Variants in PCSK5 observed in about 807,000 individuals in gnomAD.
PCSK5 encodes proprotein convertase subtilisin/kexin type 5.
Under a neutral mutation model 233.2 loss-of-function variants are expected in PCSK5, and 129 were observed. The observed-to-expected ratio is 0.55, with a 90% CI of 0.48 to 0.64. The LOEUF (loss-of-function observed/expected upper bound fraction) is 0.64, where lower values mean the gene tolerates loss of function less well. Among genes scored for constraint, PCSK5 ranks in the 30% least tolerant of loss-of-function variants. The pLI is 0.00. For missense variants in PCSK5, 2,076 were observed against 2,430.1 expected (o/e 0.85, Z 3.06); for synonymous variants, 825 against 879.2 (o/e 0.94, Z 1.09).
At chr9:75,985,196 ATG>A (rs1826455622) in intron 2 of PCSK5, among the ~76,000 whole-genome samples, 1 of 152,338 alleles carries the variant, frequency 6.6e-6, no homozygotes, top group East Asian at 1.9e-4. Context: ...AAACTGGAAC[ATG>A]CTTATTTTTG....
chr9:76,313,162 C>G (rs1394477437), intron 30 of PCSK5, among the ~76,000 whole-genome samples: 1 of 152,160 alleles, frequency 6.6e-6, no homozygotes, highest in African/African-American at 2.4e-5. Flanking sequence ...ACATCAAATA[C>G]ATGGTGTGGC....
At chr9:76,127,070 T>C (rs947435174) in intron 9 of PCSK5, among the ~76,000 whole-genome samples, 3 of 151,828 alleles carry the variant, frequency 2.0e-5, no homozygotes, top group Admixed American at 6.6e-5. Flanking sequence ...TCAATAAACA[T>C]CTAGAGAAGC....
At chr9:76,013,328 A>T (rs964832574) in intron 3 of PCSK5, among the ~76,000 whole-genome samples, 1 of 152,196 alleles carries the variant, frequency 6.6e-6, no homozygotes, top group Non-Finnish European at 1.5e-5. Flanking sequence ...TTGTGCATTT[A>T]TTTGATCCTC....
Position 76,040,361 on chromosome 9 carries a change from C to G in PCSK5, c.632+13324C>G, listed in dbSNP as rs767324861. On this transcript the variant is annotated intron_variant, in intron 5 of 37. Coordinates refer to ENST00000674117, the MANE Select transcript of PCSK5 (RefSeq NM_001372043.1). The stretch of plus-strand genomic sequence containing the variant: ...TCTCTCTCTCTCTCTCTCTCTCTCT[C>G]TCTCTCTCTCTCTCTCTCTCTCTGT... Among the ~76,000 whole-genome samples the G allele has an allele frequency of 1.9e-3, 108 of 57,730 alleles. 1 individual carries two copies. Among genetic ancestry groups the G allele is most frequent in the East Asian group, 5.6e-3 (6 of 1,076 alleles). 37.9% of individuals were successfully genotyped at this position (57,730 alleles called of 152,430 possible).
chr9:76,118,411 C>A (rs1181442256), intron 9 of PCSK5, among the ~76,000 whole-genome samples: 1 of 152,058 alleles, frequency 6.6e-6, no homozygotes. Flanking sequence ...CCTTACTTAG[C>A]AATGAAAGTG....
rs756950842 is a variant in PCSK5, at chr9:76,358,696, A to G, written c.5438A>G (p.Asn1813Ser). ...GGCTATGAAAAACTGGCCGACCCCA[A>G]CAAGTCTTACTCCTCCTATAAGAGC... Reference protein sequence around the residue: ...KAGYEKLADPNKSYSSYKSSY... With the variant: ...KAGYEKLADPSKSYSSYKSSY... Residue 1813 changes from asparagine (N) to serine (S), a missense_variant, in exon 38 of 38, where the codon AAC becomes AGC. Around this residue, in one of 6 missense-constraint regions of PCSK5, gnomAD observed 1,510 missense variants for 1,538.1 expected, o/e 0.98. Transcript: ENST00000674117. The G allele has an allele frequency of 1.9e-6, 3 of 1,612,764 alleles. No homozygotes were observed. The highest frequency in any genetic ancestry group is 1.3e-5 in the African/African-American group (1 of 74,910).
chr9:76,038,273 C>T (rs1311103905), intron 5 of PCSK5, among the ~76,000 whole-genome samples: 2 of 152,084 alleles, frequency 1.3e-5, no homozygotes, highest in East Asian at 3.9e-4. Context: ...ATCCTGATAC[C>T]TTGATCTTCC....
intron 30 of PCSK5, 73 bp downstream of exon 30, chr9:76,310,924 T>A: frequency 9.6e-7 from 1 of 1,038,254 alleles, no homozygotes; most frequent in Non-Finnish European, 1.4e-6. Flanking sequence ...AATTCTTTCT[T>A]ATTCACCAAA....
At chr9:76,258,626 T>C (rs925380276) in intron 24 of PCSK5, among the ~76,000 whole-genome samples, 3 of 152,010 alleles carry the variant, frequency 2.0e-5, no homozygotes, top group Non-Finnish European at 4.4e-5. Context: ...CTGTGGGAGG[T>C]AAGTCAAGAA....
At position 76,359,030 on chromosome 9, in the gene PCSK5, T is replaced by G; in HGVS notation, c.*108T>G. The stretch of plus-strand genomic sequence containing the variant: ...AGGCTGATGTGTGAGTTTTTCTATT[T>G]GTCTTCTTTAACCATGAGTCCAACC... On this transcript the variant is annotated 3_prime_UTR_variant, in exon 38 of 38. Coordinates refer to ENST00000674117, the MANE Select transcript of PCSK5 (RefSeq NM_001372043.1). 1 of 860,574 alleles carries G rather than the reference T, an allele frequency of 1.2e-6. No homozygotes were observed. 53.3% of individuals were successfully genotyped at this position (860,574 alleles called of 1,614,324 possible).
At chr9:75,902,217 A>T (rs1189026836) in intron 1 of PCSK5, among the ~76,000 whole-genome samples, 2 of 80,968 alleles carry the variant, frequency 2.5e-5, no homozygotes, top group Admixed American at 1.2e-4. Flanking sequence ...CACCATCTAA[A>T]AAAAAAAAAA....
At chr9:76,243,777 CATGA>C (rs961792655) in intron 24 of PCSK5, among the ~76,000 whole-genome samples, 3 of 152,116 alleles carry the variant, frequency 2.0e-5, no homozygotes, top group Non-Finnish European at 4.4e-5. Context: ...TGAATTAATG[CATGA>C]ATGTTTGTTG....
intron 12 of PCSK5, 60 bp downstream of exon 12, chr9:76,159,231 AG>A: frequency 2.0e-6 from 3 of 1,482,722 alleles, no homozygotes; most frequent in Non-Finnish European, 2.8e-6. Flanking sequence ...GCTATTCCTT[AG>A]GTAGAAGGGA....
In PCSK5 at chr9:76,233,932, C is replaced by T. The variant is rs73652904; in HGVS notation, c.2866+336C>T. ...GATTTGTGGAGGTAAAAGTGAAGAC[C>T]TGGGGAATTAAGAAAGACACGTTCT... On this transcript the variant is annotated intron_variant, in intron 22 of 37. Transcript: ENST00000674117. Among the ~76,000 whole-genome samples, 8 of 152,082 alleles carry T rather than the reference C, an allele frequency of 5.3e-5. No individual in the cohort carries two copies. The South Asian group carries it at 8.3e-4, about 16-fold the overall frequency.
intron 35 of PCSK5, among the ~76,000 whole-genome samples, chr9:76,350,065 TC>T (rs1396088646): frequency 6.7e-6 from 1 of 149,240 alleles, no homozygotes; most frequent in African/African-American, 2.5e-5. Context: ...ATCCCTTGAG[TC>T]CAGGAATTTG....
chr9:76,303,453 A>G (rs571629805), intron 28 of PCSK5, among the ~76,000 whole-genome samples: 3 of 152,338 alleles, frequency 2.0e-5, no homozygotes, highest in Non-Finnish European at 4.4e-5. Flanking sequence ...TAAAACTTAT[A>G]CAAATATGAG....
At position 76,358,777 on chromosome 9, in the gene PCSK5, G is replaced by A. The variant is rs533035572; in HGVS notation, c.5519G>A (p.Arg1840Gln). 6.1e-5 allele frequency: 99 copies of A among 1,612,928 alleles called. No homozygotes were observed. The highest frequency in any genetic ancestry group is 7.1e-5 in the Non-Finnish European group (84 of 1,179,886). ...GATCAGGTGATTGAGTACAGGGATCGGGACTATGATGAGGATGATGATGAT... is the reference window on the plus strand; with the variant it reads ...GATCAGGTGATTGAGTACAGGGATCAGGACTATGATGAGGATGATGATGAT... Reference protein sequence around the residue: ...EEDQVIEYRDRDYDEDDDDDI... With the variant: ...EEDQVIEYRDQDYDEDDDDDI... Residue 1840 changes from arginine (R) to glutamine (Q), a missense_variant, in exon 38 of 38, where the codon CGG becomes CAG. By Grantham distance (43) the Arg-to-Gln change is conservative. Around this residue, in one of 6 missense-constraint regions of PCSK5, gnomAD observed 1,510 missense variants for 1,538.1 expected, o/e 0.98. Coordinates refer to ENST00000674117, the MANE Select transcript of PCSK5 (RefSeq NM_001372043.1).
chr9:76,161,256 G>A (rs112960689), intron 12 of PCSK5, among the ~76,000 whole-genome samples: 1 of 152,092 alleles, frequency 6.6e-6, no homozygotes, highest in Admixed American at 6.5e-5. Flanking sequence ...GCATAGGATC[G>A]CTGGGCACTT....
intron 24 of PCSK5, among the ~76,000 whole-genome samples, chr9:76,249,699 G>C (rs1826740372): frequency 6.6e-6 from 1 of 152,126 alleles, no homozygotes; most frequent in Non-Finnish European, 1.5e-5. Flanking sequence ...GAATGTAGGA[G>C]GATAGAAAGG....
Sources: gnomAD v4.1 joint callset for allele counts (sites outside exome capture counted in the v4.1 genomes callset) on GRCh38, gnomAD v4.1.1 for gene constraint, gnomAD v4.1.1 regional missense constraint, MANE v1.5 for transcripts, NCBI Gene and HGNC (gene_info 2026-07-23, HGNC 2026-07-21) for gene names.